UBE3B: variants seen among roughly 807,000 people sequenced by gnomAD.
UBE3B encodes the protein ubiquitin protein ligase E3B, also known as ubiquitin-protein ligase E3B.
In UBE3B, 80 loss-of-function variants were observed where a neutral mutation model predicts 132.3. The ratio of observed to expected loss-of-function variants is 0.60; its 90% CI spans 0.50 to 0.73. The LOEUF is 0.73. Ranked by LOEUF, UBE3B falls within the 30% of genes least tolerant of loss-of-function variation. The pLI, the probability that UBE3B is intolerant of heterozygous loss-of-function variation, is 0.00. For missense variants in UBE3B, 1,196 were observed against 1,362.5 expected (o/e 0.88, Z 1.92); for synonymous variants, 487 against 520.4 (o/e 0.94, Z 0.87).
chr12:109,498,498 T>G, intron 11 of UBE3B, 145 bp downstream of exon 11: 1 of 940,906 alleles, frequency 1.1e-6, no homozygotes, highest in Non-Finnish European at 1.6e-6. Flanking sequence ...AGATAGACAG[T>G]TAAAATAGAC....
intron 4 of UBE3B, among the ~76,000 whole-genome samples, chr12:109,484,972 G>T (rs1876164092): frequency 6.6e-6 from 1 of 151,182 alleles, no homozygotes; most frequent in South Asian, 2.1e-4. Context: ...GCCCAGGCTT[G>T]TCTCAAACTC....
At position 109,490,018 on chromosome 12, in the gene UBE3B, G is replaced by T; in HGVS notation, c.630+14G>T. On this transcript the variant is annotated intron_variant, in intron 8 of 27. Coordinates refer to ENST00000342494, the MANE Select transcript of UBE3B (RefSeq NM_130466.4). ...TCTGTGCTGCAGGTCTGTGACTCCT[G>T]CCCCCCAGTGTGCAACTTCTCCACT... 6.2e-7 allele frequency: 1 copy of T among 1,613,076 alleles called. No homozygotes were observed. Among genetic ancestry groups the T allele is most frequent in the Non-Finnish European group, 8.5e-7 (1 of 1,179,186 alleles).
chr12:109,505,645 G>A (rs1879566862), intron 14 of UBE3B, among the ~76,000 whole-genome samples: 1 of 152,182 alleles, frequency 6.6e-6, no homozygotes, highest in Non-Finnish European at 1.5e-5. Context: ...GATCAAGAAA[G>A]TCTTGCTTCT....
At chr12:109,491,300 T>G (rs1877435509) in intron 9 of UBE3B, 173 bp downstream of exon 9, 1 of 484,656 alleles carries the variant, frequency 2.1e-6, no homozygotes. Context: ...AAACTTTTTC[T>G]TAATCTTCAG....
At chr12:109,488,541 G>A in intron 6 of UBE3B, 31 bp from the exon 7 acceptor site, 2 of 1,591,876 alleles carry the variant, frequency 1.3e-6, no homozygotes, top group Non-Finnish European at 1.7e-6. Context: ...GAAGACGTGT[G>A]TCTTAATCTT....
At chr12:109,540,027 C>G (rs1013408196), downstream of UBE3B, among the ~76,000 whole-genome samples, 3 of 151,688 alleles carry the variant, frequency 2.0e-5, no homozygotes, top group Non-Finnish European at 4.4e-5. Context: ...TGGAGCCCAC[C>G]AGCAACGACA....
rs535803845 is a variant in UBE3B at position 109,530,109 on chromosome 12, G to C, written c.2810+37G>C. The C allele has an allele frequency of 8.8e-5, 142 of 1,609,536 alleles. No individual in the cohort carries two copies. In the East Asian group the frequency reaches 2.8e-3, roughly 32 times the overall value. On this transcript the variant is annotated intron_variant, in intron 25 of 27. Coordinates refer to ENST00000342494, the MANE Select transcript of UBE3B (RefSeq NM_130466.4). ...GTGGGGGGAAGGGTGAAATTCCTTG[G>C]CCTCCCAGAAAGCCAGCTGCTCCCT...
In UBE3B at chr12:109,488,593, C is replaced by A. The variant is rs373717944; in HGVS notation, c.469C>A (p.Arg157=). 10 of 1,613,984 alleles carry A rather than the reference C, an allele frequency of 6.2e-6. No homozygotes were observed. The highest frequency in any genetic ancestry group is 8.5e-6 in the Non-Finnish European group (10 of 1,179,974). The change falls in exon 7 of 28, where the codon CGA becomes AGA. Residue 157 remains arginine, a synonymous_variant. Transcript: ENST00000342494. ...CCAGCCTGAAATCCTGCAGGACTCC[C>A]GACTCATCACCCTGTACCTCACGAT... The part of the protein sequence containing the change: ...QLKPEILQDS[R]LITLYLTMLV...
chr12:109,509,507 C>A, intron 15 of UBE3B, 89 bp from the exon 16 acceptor site: 1 of 744,896 alleles, frequency 1.3e-6, no homozygotes. Flanking sequence ...ATTTCTCAAC[C>A]TCGTTTATTG....
rs897735393 is a variant in UBE3B, at chr12:109,501,384, A to G, written c.1132A>G (p.Met378Val). ...QSVDYGLNES[M>V]HLITKQLQFL... ...GCTCTCTCCTAGCCTTAACGAGTCA[A>G]TGCACTTGATCACCAAACAGCTGCA... Residue 378 changes from methionine (M) to valine (V), a missense_variant, in exon 13 of 28, where the codon ATG becomes GTG. Coordinates refer to ENST00000342494, the MANE Select transcript of UBE3B (RefSeq NM_130466.4). The G allele has an allele frequency of 7.4e-6, 12 of 1,613,996 alleles. No individual in the cohort carries two copies. The Admixed American group carries it at 8.3e-5, about 11-fold the overall frequency.
At chr12:109,525,781 T>C (rs759754597) in intron 23 of UBE3B, among the ~76,000 whole-genome samples, 2 of 152,032 alleles carry the variant, frequency 1.3e-5, no homozygotes, top group Non-Finnish European at 2.9e-5. Context: ...GAGCAAAAGA[T>C]GAAAAGATAA....
At chr12:109,498,096 C>T (rs1460274966) in intron 10 of UBE3B, 137 bp from the exon 11 acceptor site, 5 of 1,394,674 alleles carry the variant, frequency 3.6e-6, no homozygotes, top group Non-Finnish European at 4.9e-6. Context: ...GAAGTGGGTT[C>T]TTGTCTGTCC....
Position 109,509,576 on chromosome 12 carries a change from T to C in UBE3B, c.1623-20T>C. On this transcript the variant is annotated intron_variant, in intron 15 of 27. Coordinates refer to ENST00000342494, the MANE Select transcript of UBE3B (RefSeq NM_130466.4). ...CCTTTTTTCAGTGTGGAATTGTGGG[T>C]AATTTTCTCTCTGATTTAGAATCCT... 2 of 1,539,182 alleles carry C rather than the reference T, an allele frequency of 1.3e-6. No individual in the cohort carries two copies. The highest frequency in any genetic ancestry group is 2.0e-5 in the Admixed American group (1 of 50,244).
intron 24 of UBE3B, 114 bp from the exon 25 acceptor site, chr12:109,529,776 A>AT: frequency 8.2e-6 from 10 of 1,215,082 alleles, no homozygotes; most frequent in Non-Finnish European, 1.2e-5. Flanking sequence ...CTCTGGTACT[A>AT]TTTGTGTTTT....
At chr12:109,492,231 G>A (rs1175258256) in intron 9 of UBE3B, 3 of 152,326 alleles carry the variant, frequency 2.0e-5, no homozygotes, top group African/African-American at 7.2e-5. Context: ...ACAGGGGGCT[G>A]TTTAAATGAA....
intron 23 of UBE3B, among the ~76,000 whole-genome samples, chr12:109,525,430 G>A (rs1882233120): frequency 6.6e-6 from 1 of 152,172 alleles, no homozygotes; most frequent in African/African-American, 2.4e-5. Flanking sequence ...TGGAATCAGG[G>A]GAAACCTCAG....
chr12:109,512,986 C>T (rs1403524541), intron 18 of UBE3B, among the ~76,000 whole-genome samples: 2 of 152,254 alleles, frequency 1.3e-5, no homozygotes, highest in Non-Finnish European at 2.9e-5. Context: ...TCTGTAACTT[C>T]TACCCTTTGG....
At chr12:109,518,460 TG>T (rs1024066760) in intron 19 of UBE3B, among the ~76,000 whole-genome samples, 8 of 152,232 alleles carry the variant, frequency 5.3e-5, no homozygotes, top group African/African-American at 1.9e-4. Context: ...ATTCAACCTG[TG>T]GGCCACCCAT....
intron 9 of UBE3B, among the ~76,000 whole-genome samples, chr12:109,496,161 C>T (rs1256214943): frequency 6.6e-6 from 1 of 152,210 alleles, no homozygotes; most frequent in Non-Finnish European, 1.5e-5. Flanking sequence ...AATGGAATCA[C>T]ATCATATGTG....
Sources: allele counts gnomAD v4.1 joint callset (sites outside exome capture counted in the v4.1 genomes callset), GRCh38; gene constraint gnomAD v4.1.1; transcripts MANE v1.5; gene names NCBI Gene and HGNC (gene_info 2026-07-23, HGNC 2026-07-21).